Variants in KIF26B observed in about 807,000 individuals in gnomAD.
The protein encoded by KIF26B is kinesin family member 26B, also known as kinesin-like protein KIF26B.
In KIF26B, 63 loss-of-function variants were observed where a neutral mutation model predicts 151.2. The observed-to-expected ratio is 0.42, with a 90% CI of 0.34 to 0.51. The LOEUF is 0.51. KIF26B is among the 20% of genes least tolerant of loss of function. The pLI is 0.07. For synonymous variants in KIF26B, 1,357 were observed against 1,262.1 expected, an observed-to-expected ratio of 1.08 and a Z score of -1.59; for missense variants, 2,813 against 2,913.6, an observed-to-expected ratio of 0.97 and a Z score of 0.79.
intron 2 of KIF26B, among the ~76,000 whole-genome samples, chr1:245,317,706 C>T (rs1270194231): frequency 3.3e-5 from 5 of 152,194 alleles, no homozygotes; most frequent in Non-Finnish European, 2.9e-5. Context: ...TCCGGTCCCT[C>T]TCCCCCAGCT....
intron 9 of KIF26B, among the ~76,000 whole-genome samples, chr1:245,622,247 GAAAC>G (rs3047664): frequency 0.23 from 35,317 of 152,078 alleles, 4,702 homozygotes; most frequent in East Asian, 0.44. Flanking sequence ...TAGTTGAAGA[GAAAC>G]AAAATATAAC....
At chr1:245,403,149 T>A (rs942647083) in intron 3 of KIF26B, among the ~76,000 whole-genome samples, 15 of 151,914 alleles carry the variant, frequency 9.9e-5, no homozygotes, top group South Asian at 4.2e-4. Context: ...TTAAAAAAAT[T>A]TTTTGTAGAG....
chr1:245,396,961 C>T (rs1673860014), intron 3 of KIF26B, among the ~76,000 whole-genome samples: 1 of 97,088 alleles, frequency 1.0e-5, no homozygotes, highest in Admixed American at 9.3e-5. Flanking sequence ...CATTTCTACT[C>T]CTTTTTTTTT....
At chr1:245,630,416 G>A (rs1489303615) in intron 9 of KIF26B, among the ~76,000 whole-genome samples, 1 of 152,180 alleles carries the variant, frequency 6.6e-6, no homozygotes, top group African/African-American at 2.4e-5. Flanking sequence ...AAAAGAATGA[G>A]ATCATGTCCT....
intron 4 of KIF26B, among the ~76,000 whole-genome samples, chr1:245,426,564 T>A (rs1658653941): frequency 6.6e-6 from 1 of 152,254 alleles, no homozygotes; most frequent in Non-Finnish European, 1.5e-5. Flanking sequence ...CTGTGTTACC[T>A]GAACAGCATT....
At chr1:245,557,061 C>G (rs1212161415) in intron 5 of KIF26B, among the ~76,000 whole-genome samples, 1 of 152,160 alleles carries the variant, frequency 6.6e-6, no homozygotes, top group Admixed American at 6.5e-5. Flanking sequence ...CCTGTGTCGC[C>G]CAGGAACACT....
chr1:245,504,283 C>T (rs1191899464), intron 4 of KIF26B, among the ~76,000 whole-genome samples: 2 of 151,974 alleles, frequency 1.3e-5, no homozygotes, highest in African/African-American at 4.8e-5. Context: ...CAAACACTTT[C>T]CTCTCTCCTT....
intron 10 of KIF26B, among the ~76,000 whole-genome samples, chr1:245,683,266 G>A (rs562312668): frequency 5.9e-5 from 9 of 152,290 alleles, no homozygotes; most frequent in South Asian, 4.2e-4. Flanking sequence ...ATCTGGAATC[G>A]CAGACACAGC....
chr1:245,335,833 GAGA>G (rs1187802850), intron 2 of KIF26B, among the ~76,000 whole-genome samples: 1 of 146,354 alleles, frequency 6.8e-6, no homozygotes, highest in East Asian at 2.1e-4. Context: ...GCCCCACGCG[GAGA>G]AGGAGGAGTC....
chr1:245,434,283 T>A (rs1314941966), intron 4 of KIF26B, among the ~76,000 whole-genome samples: 1 of 152,224 alleles, frequency 6.6e-6, no homozygotes, highest in Admixed American at 6.5e-5. Flanking sequence ...AATAATTGCT[T>A]TGTTTTTACC....
chr1:245,605,823 G>A (rs1468541832), intron 6 of KIF26B, among the ~76,000 whole-genome samples: 4 of 152,178 alleles, frequency 2.6e-5, no homozygotes, highest in South Asian at 2.1e-4. Flanking sequence ...AGGGGATGCC[G>A]CCCCAACTCT....
At chr1:245,261,497 CTCTCT>C (rs1558366060) in intron 2 of KIF26B, among the ~76,000 whole-genome samples, 5 of 111,878 alleles carry the variant, frequency 4.5e-5, no homozygotes, top group South Asian at 2.8e-4. Context: ...CTCTCTCTCT[CTCTCT>C]CCCTCCCTCC....
chr1:245,241,129 A>C lies in KIF26B; in HGVS notation c.465+84446A>C, dbSNP rs1357563949. ...GTCAGGAAAATCATCGGTAGTGAGC[A>C]GTTTCTTCCCGTTACCAGTAAATGT... On this transcript the variant is annotated intron_variant, in intron 2 of 14. Coordinates refer to ENST00000407071, the MANE Select transcript of KIF26B (RefSeq NM_018012.4). This position sits in a 1 kb window ranked among gnomAD's most constrained non-coding sequence, Gnocchi z 5.0. 1.3e-5 allele frequency among the ~76,000 whole-genome samples: 2 copies of C among 152,162 alleles called. No individual in the cohort carries two copies. The highest frequency in any genetic ancestry group is 3.8e-4 in the East Asian group (2 of 5,196).
At chr1:245,342,514 T>C (rs1672355054) in intron 2 of KIF26B, among the ~76,000 whole-genome samples, 3 of 152,170 alleles carry the variant, frequency 2.0e-5, no homozygotes, top group Admixed American at 2.0e-4. Flanking sequence ...CCTCTAGTCA[T>C]TTTGCTCCCT....
chr1:245,343,707 A>G (rs947693128), intron 2 of KIF26B, among the ~76,000 whole-genome samples: 2 of 152,190 alleles, frequency 1.3e-5, no homozygotes, highest in African/African-American at 4.8e-5. Context: ...CAGGCCAGAA[A>G]AATTGCAAGT....
chr1:245,440,036 A>T (rs2103046473), intron 4 of KIF26B, among the ~76,000 whole-genome samples: 1 of 152,274 alleles, frequency 6.6e-6, no homozygotes, highest in Non-Finnish European at 1.5e-5. Flanking sequence ...CCTGGCTAAC[A>T]CGGTGAAACC....
chr1:245,627,738 G>A (rs878987752), intron 9 of KIF26B, among the ~76,000 whole-genome samples: 2 of 151,718 alleles, frequency 1.3e-5, no homozygotes, highest in Admixed American at 6.6e-5. Context: ...CACTTCACTA[G>A]ACTAATAAAG....
chr1:245,611,835 G>C lies in KIF26B; in HGVS notation c.1957G>C (p.Ala653Pro). 1 of 1,613,856 alleles carries C rather than the reference G, an allele frequency of 6.2e-7. No individual in the cohort carries two copies. Among genetic ancestry groups the C allele is most frequent in the Non-Finnish European group, 8.5e-7 (1 of 1,179,876 alleles). ...GCTGCGGGCCCCCACCGCAGAGAAG[G>C]CTGCCTTTTTCCTGGATGCCGCCAT... ...SELRAPTAEK[A>P]AFFLDAAIAS... is the part of the protein sequence containing the mutation. The change falls in exon 9 of 15, where the codon GCT becomes CCT. Residue 653 changes from alanine to proline, a missense_variant. Ala to Pro is a conservative substitution (Grantham distance 27). Around this residue, in one of 3 missense-constraint regions of KIF26B, gnomAD observed 2,060 missense variants for 2,088.6 expected, o/e 0.99. Transcript: ENST00000407071.
At position 245,365,142 on chromosome 1, in the gene KIF26B, C is replaced by T. The variant is rs149119737; in HGVS notation, c.466-1692C>T. ...TGTTCTGGAACAGCCCCTAAGGGGCCGTTTCAGGTCCTGCTACACGCTCTG... is the reference window on the plus strand; with the variant it reads ...TGTTCTGGAACAGCCCCTAAGGGGCTGTTTCAGGTCCTGCTACACGCTCTG... On this transcript the variant is annotated intron_variant, in intron 2 of 14. Coordinates refer to ENST00000407071, the MANE Select transcript of KIF26B (RefSeq NM_018012.4). Among the ~76,000 whole-genome samples, 343 of 152,320 alleles carry T rather than the reference C, an allele frequency of 2.3e-3. 3 individuals carry two copies. Among genetic ancestry groups the T allele is most frequent in the African/African-American group, 7.8e-3 (325 of 41,568 alleles).
Sources: gnomAD v4.1 joint callset for allele counts (sites outside exome capture counted in the v4.1 genomes callset) on GRCh38, gnomAD v4.1.1 for gene constraint, gnomAD v4.1.1 regional missense constraint, Gnocchi (gnomAD v3.1) non-coding constraint, MANE v1.5 for transcripts, NCBI Gene and HGNC (gene_info 2026-07-23, HGNC 2026-07-21) for gene names.